Variants in MRTFA observed in about 807,000 individuals in gnomAD.
MRTFA encodes the protein myocardin related transcription factor A.
A neutral mutation model predicts 83.5 loss-of-function variants in MRTFA; 20 were observed. The ratio of observed to expected loss-of-function variants is 0.24; its 90% CI spans 0.17 to 0.35. The LOEUF (loss-of-function observed/expected upper bound fraction) is 0.35. Ranked by LOEUF, MRTFA falls within the 10% of genes least tolerant of loss-of-function variation. The pLI is 1.00. For synonymous variants in MRTFA, 659 were observed against 541.2 expected, an observed-to-expected ratio of 1.22 and a Z score of -3.02; for missense variants, 1,200 against 1,224.7, an observed-to-expected ratio of 0.98 and a Z score of 0.30.
chr22:40,539,924 T>C (rs918668849), intron 3 of MRTFA, among the ~76,000 whole-genome samples: 32 of 150,422 alleles, frequency 2.1e-4, no homozygotes, highest in African/African-American at 7.6e-4. Flanking sequence ...TTTTTTTTTT[T>C]TCCCAGACAG....
At position 40,584,677 on chromosome 22, in the gene MRTFA, C is replaced by T. The variant is rs138185782; in HGVS notation, c.-22+9997G>A. 2.1e-3 allele frequency among the ~76,000 whole-genome samples: 311 copies of T among 149,716 alleles called. 1 individual carries two copies. Among genetic ancestry groups the T allele is most frequent in the African/African-American group, 7.2e-3 (290 of 40,450 alleles). On this transcript the variant is annotated intron_variant, in intron 2 of 14. Coordinates refer to ENST00000355630, the MANE Select transcript of MRTFA (RefSeq NM_020831.6). Reference sequence around the variant, plus strand: ...CCCAGGAGGCAGAGGTTGTGGTGAGCCAAAATCGCACCATTGCACTCCAAC... The same window carrying T: ...CCCAGGAGGCAGAGGTTGTGGTGAGTCAAAATCGCACCATTGCACTCCAAC...
At chr22:40,423,445 T>TCTACAGCTGTCC (rs2052884463) in intron 9 of MRTFA, 91 bp downstream of exon 9, 1 of 1,223,156 alleles carries the variant, frequency 8.2e-7, no homozygotes, top group Non-Finnish European at 1.1e-6. Flanking sequence ...CACCACACCC[T>TCTACAGCTGTCC]CTACAGCTGT....
At chr22:40,624,920 T>C (rs891909044) in intron 1 of MRTFA, among the ~76,000 whole-genome samples, 16 of 152,216 alleles carry the variant, frequency 1.1e-4, no homozygotes, top group African/African-American at 3.6e-4. Flanking sequence ...GGGTCATTCA[T>C]GCTACAGAGT....
At chr22:40,559,218 C>T (rs1056818641) in intron 2 of MRTFA, among the ~76,000 whole-genome samples, 1 of 152,100 alleles carries the variant, frequency 6.6e-6, no homozygotes, top group African/African-American at 2.4e-5. Flanking sequence ...GGCAAAACCC[C>T]GTCTCTACAA....
intron 3 of MRTFA, among the ~76,000 whole-genome samples, chr22:40,490,584 G>A (rs1346205520): frequency 6.7e-6 from 1 of 148,556 alleles, no homozygotes; most frequent in Non-Finnish European, 1.5e-5. Context: ...GGGCGACAGA[G>A]TGAGATTCCA....
At chr22:40,631,259 ATC>A (rs1281058871) in intron 1 of MRTFA, among the ~76,000 whole-genome samples, 3 of 152,176 alleles carry the variant, frequency 2.0e-5, no homozygotes, top group African/African-American at 4.8e-5. Context: ...ATATTCATTC[ATC>A]TCTCTGACTC....
intron 2 of MRTFA, among the ~76,000 whole-genome samples, chr22:40,576,152 C>T (rs909926721): frequency 6.6e-6 from 1 of 151,824 alleles, no homozygotes; most frequent in African/African-American, 2.4e-5. Context: ...CCTCAGCCTC[C>T]CAAGTAGCTG....
chr22:40,496,628 G>C (rs1307071534), intron 3 of MRTFA, among the ~76,000 whole-genome samples: 1 of 140,892 alleles, frequency 7.1e-6, no homozygotes, highest in Non-Finnish European at 1.5e-5. Context: ...CAGTAAATTT[G>C]AGCTGTTGTC....
chr22:40,504,626 CA>C (rs2054550930), intron 3 of MRTFA, among the ~76,000 whole-genome samples: 1 of 152,172 alleles, frequency 6.6e-6, no homozygotes, highest in African/African-American at 2.4e-5. Flanking sequence ...ACTTCACCCA[CA>C]CAAATGTAAG....
intron 4 of MRTFA, 39 bp from the exon 5 acceptor site, chr22:40,435,593 A>G: frequency 6.2e-7 from 1 of 1,606,930 alleles, no homozygotes; most frequent in Middle Eastern, 1.7e-4. Context: ...CTTCAAGCGA[A>G]GCATCATGTC....
At chr22:40,502,795 G>A (rs1311558898) in intron 3 of MRTFA, among the ~76,000 whole-genome samples, 1 of 151,998 alleles carries the variant, frequency 6.6e-6, no homozygotes, top group Non-Finnish European at 1.5e-5. Context: ...CAAAGACTGA[G>A]ACAGCTCCGC....
At chr22:40,560,310 A>G (rs1364814470) in intron 2 of MRTFA, among the ~76,000 whole-genome samples, 4 of 152,256 alleles carry the variant, frequency 2.6e-5, no homozygotes, top group African/African-American at 9.6e-5. Context: ...GGGAAGACTC[A>G]GTGAGACACA....
intron 9 of MRTFA, among the ~76,000 whole-genome samples, chr22:40,421,916 G>C (rs1469963012): frequency 6.6e-6 from 1 of 152,234 alleles, no homozygotes; most frequent in African/African-American, 2.4e-5. Flanking sequence ...TGAAAGGAAG[G>C]TTTGGGCAGG....
chr22:40,490,858 T>C (rs994627721), intron 3 of MRTFA, among the ~76,000 whole-genome samples: 1 of 152,324 alleles, frequency 6.6e-6, no homozygotes, highest in African/African-American at 2.4e-5. Context: ...GTTTCCAAGA[T>C]AGGAGAAGAA....
At chr22:40,463,386 A>G (rs1420707163) in intron 3 of MRTFA, 100 bp from the exon 4 acceptor site, 1 of 992,180 alleles carries the variant, frequency 1.0e-6, no homozygotes, top group Non-Finnish European at 1.6e-6. Context: ...AAACAGAAGG[A>G]TGTAGTGTGA....
chr22:40,505,792 T>C (rs1230661553), intron 3 of MRTFA, among the ~76,000 whole-genome samples: 7 of 152,236 alleles, frequency 4.6e-5, no homozygotes, highest in Admixed American at 6.5e-5. Context: ...TGCTGGTTCC[T>C]TGATCTTAGG....
intron 2 of MRTFA, among the ~76,000 whole-genome samples, chr22:40,583,197 C>A (rs375755327): frequency 6.6e-5 from 10 of 152,022 alleles, no homozygotes; most frequent in Admixed American, 1.3e-4. Flanking sequence ...GCAAATATAG[C>A]CACATGACAG....
chr22:40,453,450 C>A (rs1347340101), intron 4 of MRTFA, among the ~76,000 whole-genome samples: 4 of 152,076 alleles, frequency 2.6e-5, no homozygotes, highest in Non-Finnish European at 5.9e-5. Flanking sequence ...TTTCTGGGCT[C>A]CTATTGGAAA....
chr22:40,525,812 A>G (rs5995870), intron 3 of MRTFA, among the ~76,000 whole-genome samples: 15,347 of 152,134 alleles, frequency 0.1, 935 homozygotes, highest in East Asian at 0.25. Flanking sequence ...AAGTGCTTAC[A>G]ATACACGAAG....
Sources: allele counts gnomAD v4.1 joint callset (sites outside exome capture counted in the v4.1 genomes callset), GRCh38; gene constraint gnomAD v4.1.1; transcripts MANE v1.5; gene names NCBI Gene and HGNC (gene_info 2026-07-23, HGNC 2026-07-21).